Variants in MCF2L observed in about 807,000 individuals in gnomAD.
The protein encoded by MCF2L is MCF.2 cell line derived transforming sequence like.
A neutral mutation model predicts 153.4 loss-of-function variants in MCF2L; 97 were observed. The ratio of observed to expected loss-of-function variants is 0.63; its 90% CI spans 0.54 to 0.75. The LOEUF (loss-of-function observed/expected upper bound fraction) is 0.75. Ranked by LOEUF, MCF2L falls within the 30% of genes least tolerant of loss-of-function variation. The pLI, the probability that MCF2L is intolerant of heterozygous loss-of-function variation, is 0.00. For missense variants in MCF2L, 1,347 were observed against 1,495.2 expected (o/e 0.90, Z 1.64); for synonymous variants, 659 against 632.2 (o/e 1.04, Z -0.64).
intron 2 of MCF2L, among the ~76,000 whole-genome samples, chr13:112,929,768 C>T (rs570611869): frequency 1.3e-5 from 2 of 152,306 alleles, no homozygotes; most frequent in East Asian, 1.9e-4. Flanking sequence ...ACTGCATGGT[C>T]GGGATGGCGG....
intron 2 of MCF2L, among the ~76,000 whole-genome samples, chr13:113,022,999 G>A (rs7320418): frequency 2.0e-5 from 3 of 152,226 alleles, no homozygotes; most frequent in African/African-American, 7.2e-5. Flanking sequence ...GCCCTCGAGG[G>A]CTGGGAGAGT....
At chr13:113,000,163 G>A (rs994624190) in intron 1 of MCF2L, among the ~76,000 whole-genome samples, 3 of 152,218 alleles carry the variant, frequency 2.0e-5, no homozygotes, top group Non-Finnish European at 2.9e-5. Context: ...GACGGTAGAA[G>A]ATAGGAACAC....
At chr13:112,898,190 C>T (rs1302781481) in intron 1 of MCF2L, among the ~76,000 whole-genome samples, 1 of 152,180 alleles carries the variant, frequency 6.6e-6, no homozygotes, top group Non-Finnish European at 1.5e-5. Flanking sequence ...TGCCCAGTGC[C>T]TGGGATGAGA....
At chr13:113,022,546 C>T (rs185175751) in intron 2 of MCF2L, among the ~76,000 whole-genome samples, 2 of 152,206 alleles carry the variant, frequency 1.3e-5, no homozygotes, top group Non-Finnish European at 2.9e-5. Flanking sequence ...CCTGAACGTT[C>T]CCCCCAGGCC....
intron 1 of MCF2L, among the ~76,000 whole-genome samples, chr13:113,004,217 G>A (rs1386240996): frequency 6.6e-6 from 1 of 152,180 alleles, no homozygotes; most frequent in Non-Finnish European, 1.5e-5. Flanking sequence ...CTACTACATA[G>A]AGGCCACCTG....
intron 1 of MCF2L, among the ~76,000 whole-genome samples, chr13:112,982,331 C>A (rs2993285): frequency 0.66 from 99,662 of 152,104 alleles, 32,953 homozygotes; most frequent in East Asian, 0.75. Flanking sequence ...TTGGCCGTGC[C>A]GTGGAGAGGA....
In MCF2L at chr13:112,973,246, T is replaced by A. The variant is rs117546581; in HGVS notation, c.79+3788T>A. Among the ~76,000 whole-genome samples the A allele has an allele frequency of 4.9e-3, 745 of 152,310 alleles. 24 individuals carry two copies. The East Asian group carries it at 0.1, about 21-fold the overall frequency. ...GGCGTCTCCTCAAGGAGCCATGATT[T>A]CTTTGTCCATTTTTTAAATGTGCTG... On this transcript the variant is annotated intron_variant, in intron 1 of 29. Coordinates refer to ENST00000535094, the MANE Select transcript of MCF2L (RefSeq NM_001112732.3).
At chr13:113,061,239 G>A (rs1031750569) in intron 5 of MCF2L, among the ~76,000 whole-genome samples, 16 of 152,210 alleles carry the variant, frequency 1.1e-4, no homozygotes, top group South Asian at 8.3e-4. Context: ...ACACTATCCC[G>A]GCACAGGGCA....
chr13:113,060,518 G>A (rs1004131524), intron 4 of MCF2L, 75 bp from the exon 5 acceptor site: 71 of 1,573,086 alleles, frequency 4.5e-5, no homozygotes, highest in Non-Finnish European at 5.4e-5. Flanking sequence ...TCAGCCCAGC[G>A]TGCAGGCACC....
chr13:112,992,457 C>T (rs891323335), intron 1 of MCF2L, among the ~76,000 whole-genome samples: 2 of 152,216 alleles, frequency 1.3e-5, no homozygotes, highest in Admixed American at 6.5e-5. Context: ...AAGGGGAAGC[C>T]GTGCTCCTGT....
In MCF2L at chr13:113,066,170, G is replaced by A; in HGVS notation, c.881G>A (p.Arg294Lys). 1 of 1,607,038 alleles carries A rather than the reference G, an allele frequency of 6.2e-7. No individual in the cohort carries two copies. Among genetic ancestry groups the A allele is most frequent in the South Asian group, 1.1e-5 (1 of 90,604 alleles). ...CTTGACAACCAGGCCACCGTGCAGA[G>A]GTGAGGCCCGGCTGCCTTCCTGCCC... is the stretch of plus-strand genomic sequence containing the variant. The part of the protein sequence containing the change: ...DQLDNQATVQ[R>K]LLAQLNETEA... The change falls in exon 8 of 30, where the codon AGG (arginine) becomes AAG (lysine). Residue 294 changes from arginine (R) to lysine (K), a missense_variant and splice_region_variant. Arg to Lys is a conservative substitution (Grantham distance 26). Around this residue, in one of 3 missense-constraint regions of MCF2L, gnomAD observed 820 missense variants for 921.2 expected, o/e 0.89. Coordinates refer to ENST00000535094, the MANE Select transcript of MCF2L (RefSeq NM_001112732.3).
At chr13:112,977,655 C>T (rs981857468) in intron 1 of MCF2L, among the ~76,000 whole-genome samples, 2 of 152,190 alleles carry the variant, frequency 1.3e-5, no homozygotes, top group Admixed American at 6.5e-5. Flanking sequence ...TCCTTGACTT[C>T]CTCAGCACCT....
At chr13:112,938,190 G>T (rs1164588068) in intron 2 of MCF2L, among the ~76,000 whole-genome samples, 1 of 122,408 alleles carries the variant, frequency 8.2e-6, no homozygotes, top group Non-Finnish European at 1.7e-5. Flanking sequence ...GAGCGCTGAG[G>T]GGTTGGTTCA....
chr13:113,007,628 C>T lies in MCF2L; in HGVS notation c.80-7135C>T, dbSNP rs538661001. ...TCCAGTGAAACACGCAGTGCGGGGC[C>T]GGCTGTACAGACAGGGCTGAGGAAA... On this transcript the variant is annotated intron_variant, in intron 1 of 29. Coordinates refer to ENST00000535094, the MANE Select transcript of MCF2L (RefSeq NM_001112732.3). Among the ~76,000 whole-genome samples, 18 of 152,344 alleles carry T rather than the reference C, an allele frequency of 1.2e-4. No homozygotes were observed. The South Asian group carries it at 1.7e-3, about 14-fold the overall frequency.
chr13:112,936,045 C>T (rs1470428741), intron 2 of MCF2L, among the ~76,000 whole-genome samples: 5 of 152,004 alleles, frequency 3.3e-5, no homozygotes, highest in Non-Finnish European at 5.9e-5. Flanking sequence ...ATTGGGAGGC[C>T]GAGGTGGGTG....
rs1269750120 is a variant in MCF2L, at chr13:113,027,028, A to G, written c.278+2270A>G. ...TGTAGTTGCTGCTTCCATTTGGGGT[A>G]TAGTGAACACACACCAAGTAAAAAC... On this transcript the variant is annotated intron_variant, in intron 3 of 29. Coordinates refer to ENST00000535094, the MANE Select transcript of MCF2L (RefSeq NM_001112732.3). This position sits in a 1 kb window ranked among gnomAD's most constrained non-coding sequence, Gnocchi z 4.8. 2.6e-6 allele frequency: 2 copies of G among 778,286 alleles called. No individual in the cohort carries two copies. Among genetic ancestry groups the G allele is most frequent in the Non-Finnish European group, 4.8e-6 (2 of 417,764 alleles). The allele number at this position is 778,286 out of a possible 1,614,324, so 48.2% of individuals were successfully genotyped here.
Position 113,064,968 on chromosome 13 carries a change from G to C in MCF2L, c.639G>C (p.Gln213His). 1.9e-6 allele frequency: 3 copies of C among 1,613,186 alleles called. No individual in the cohort carries two copies. The highest frequency in any genetic ancestry group is 2.5e-6 in the Non-Finnish European group (3 of 1,179,996). The change falls in exon 7 of 30, where the codon CAG (glutamine) becomes CAC (histidine). Residue 213 changes from glutamine to histidine, a missense_variant. By Grantham distance (24) the Gln-to-His change is conservative. Coordinates refer to ENST00000535094, the MANE Select transcript of MCF2L (RefSeq NM_001112732.3). The surrounding 1 kb of genome is among the most constrained non-coding windows in gnomAD (Gnocchi z 6.0). Reference protein sequence around the residue: ...AIESFALMVKQTAQMLQSFGT... With the variant: ...AIESFALMVKHTAQMLQSFGT... ...AAAGTTTCGCCCTCATGGTGAAGCA[G>C]ACGGCTCAGATGCTGCAGTCCTTCG...
chr13:113,094,907 G>A, intron 27 of MCF2L: 1 of 1,281,660 alleles, frequency 7.8e-7, no homozygotes, highest in Non-Finnish European at 1.1e-6. Context: ...TTAGGATGCA[G>A]CCCCAGCTCC....
At chr13:112,962,661 CA>C (rs2081846001) in intron 2 of MCF2L, among the ~76,000 whole-genome samples, 1 of 152,220 alleles carries the variant, frequency 6.6e-6, no homozygotes, top group Non-Finnish European at 1.5e-5. Flanking sequence ...AACTCCGGAG[CA>C]AAACCCCTGA....
Sources: allele counts gnomAD v4.1 joint callset (sites outside exome capture counted in the v4.1 genomes callset), GRCh38; gene constraint gnomAD v4.1.1; regional missense constraint gnomAD v4.1.1; non-coding constraint Gnocchi (gnomAD v3.1); transcripts MANE v1.5; gene names NCBI Gene and HGNC (gene_info 2026-07-23, HGNC 2026-07-21).